AGBL3: variants seen among roughly 807,000 people sequenced by gnomAD.
AGBL3 encodes the protein cytosolic carboxypeptidase 3.
A neutral mutation model predicts 94.5 loss-of-function variants in AGBL3; 68 were observed. The observed-to-expected ratio is 0.72, with a 90% CI of 0.59 to 0.88. The LOEUF is 0.88. AGBL3 is among the 40% of genes least tolerant of loss of function. AGBL3 has a pLI of 0.00. For synonymous variants in AGBL3, 354 were observed against 370.7 expected (o/e 0.95, Z 0.52); for missense variants, 934 against 1,103.8 (o/e 0.85, Z 2.18).
intron 12 of AGBL3, among the ~76,000 whole-genome samples, chr7:135,071,563 G>C (rs1223486763): frequency 3.9e-5 from 6 of 152,086 alleles, no homozygotes; most frequent in South Asian, 2.1e-4. Flanking sequence ...CCAAAACAGA[G>C]ATATAGACCA....
At chr7:135,080,394 C>T (rs1186085627) in intron 14 of AGBL3, 134 bp downstream of exon 14, 3 of 662,814 alleles carry the variant, frequency 4.5e-6, no homozygotes, top group Non-Finnish European at 7.8e-6. Flanking sequence ...CATTTCTTCC[C>T]TGCAGGACCT....
At chr7:135,069,312 T>C (rs527345959) in intron 12 of AGBL3, among the ~76,000 whole-genome samples, 37 of 152,264 alleles carry the variant, frequency 2.4e-4, no homozygotes, top group African/African-American at 8.9e-4. Context: ...ATTAGACAGA[T>C]CAACAAGACA....
chr7:135,023,204 G>A (rs1188850575), intron 5 of AGBL3, among the ~76,000 whole-genome samples: 1 of 152,168 alleles, frequency 6.6e-6, no homozygotes, highest in African/African-American at 2.4e-5. Flanking sequence ...GAGGAGACAA[G>A]ATGGCTGACT....
chr7:135,058,239 T>G (rs1345375253), intron 11 of AGBL3, among the ~76,000 whole-genome samples: 1 of 152,150 alleles, frequency 6.6e-6, no homozygotes, highest in Non-Finnish European at 1.5e-5. Context: ...AATTTTTCTG[T>G]AAACCTAGAA....
intron 4 of AGBL3, among the ~76,000 whole-genome samples, chr7:135,002,744 T>G (rs990781797): frequency 6.6e-6 from 1 of 152,184 alleles, no homozygotes; most frequent in Admixed American, 6.5e-5. Context: ...TCCCATACTC[T>G]CATCAATACT....
chr7:135,055,369 A>T (rs998039224), intron 11 of AGBL3, among the ~76,000 whole-genome samples: 1 of 152,230 alleles, frequency 6.6e-6, no homozygotes, highest in Non-Finnish European at 1.5e-5. Context: ...AAAGCAGGAA[A>T]GCATCTAGTT....
chr7:135,068,684 T>C (rs994907861), intron 12 of AGBL3, among the ~76,000 whole-genome samples: 2 of 152,224 alleles, frequency 1.3e-5, no homozygotes, highest in Middle Eastern at 3.4e-3. Context: ...CAAGTAAATG[T>C]TGAGAGATTT....
At chr7:135,115,719 G>T (rs1330222200) in intron 16 of AGBL3, 108 bp downstream of exon 16, 2 of 894,478 alleles carry the variant, frequency 2.2e-6, no homozygotes, top group East Asian at 5.4e-5. Flanking sequence ...TCTTGAAAAT[G>T]ATGTCAGCTC....
chr7:135,015,555 T>A (rs1191495892), intron 4 of AGBL3, among the ~76,000 whole-genome samples: 3 of 151,472 alleles, frequency 2.0e-5, no homozygotes, highest in Non-Finnish European at 4.4e-5. Flanking sequence ...GGTACTCTAA[T>A]AAACTGCAAA....
intron 12 of AGBL3, among the ~76,000 whole-genome samples, chr7:135,068,838 A>T (rs144387927): frequency 0.054 from 8,260 of 152,302 alleles, 299 homozygotes; most frequent in Middle Eastern, 0.18. Flanking sequence ...CTAACGAGCA[A>T]AATAACCAGC....
At chr7:134,988,083 A>C in intron 2 of AGBL3, 87 bp downstream of exon 2, 3 of 1,010,668 alleles carry the variant, frequency 3.0e-6, no homozygotes, top group South Asian at 3.4e-5. Flanking sequence ...TCAATTGGAT[A>C]TAAAAATCAA....
chr7:135,094,233 T>C, intron 15 of AGBL3: 1 of 373,028 alleles, frequency 2.7e-6, no homozygotes, highest in Non-Finnish European at 5.3e-6. Flanking sequence ...TCAACATTCC[T>C]GTCCTTACAA....
chr7:135,017,141 G>T lies in AGBL3; in HGVS notation c.400G>T (p.Val134Phe), dbSNP rs201872398. The change falls in exon 5 of 17, where the codon GTT becomes TTT. Residue 134 changes from valine to phenylalanine, a missense_variant. Physicochemically the swap from Val to Phe is conservative, Grantham distance 50 (BLOSUM62 -1). This residue lies in a region of AGBL3 where 488 missense variants were observed against 563.6 expected (regional missense o/e 0.87). Transcript: ENST00000436302. ...LYPDSKEATV[V>F]YLAEDAYKEP... ...TCCAGACTCCAAGGAAGCTACTGTGGTTTATCTAGCTGAAGATGGTGAGCA... is the reference window on the plus strand; with the variant it reads ...TCCAGACTCCAAGGAAGCTACTGTGTTTTATCTAGCTGAAGATGGTGAGCA... 8.3e-5 allele frequency: 128 copies of T among 1,546,668 alleles called. No homozygotes were observed. Among genetic ancestry groups the T allele is most frequent in the Non-Finnish European group, 9.4e-5 (107 of 1,142,148 alleles).
chr7:135,015,735 C>T (rs898186550), intron 4 of AGBL3, among the ~76,000 whole-genome samples: 9 of 151,838 alleles, frequency 5.9e-5, no homozygotes, highest in Non-Finnish European at 1.0e-4. Context: ...CATACACAGG[C>T]CGGGCATGGT....
intron 15 of AGBL3, among the ~76,000 whole-genome samples, chr7:135,097,412 T>G (rs1318654193): frequency 2.0e-5 from 3 of 152,180 alleles, no homozygotes; most frequent in Non-Finnish European, 2.9e-5. Context: ...CTATGAATAT[T>G]TTAATGAAAC....
chr7:135,110,196 A>G (rs1379462169), intron 15 of AGBL3, among the ~76,000 whole-genome samples: 1 of 151,918 alleles, frequency 6.6e-6, no homozygotes, highest in Admixed American at 6.6e-5. Context: ...TCAGGGAGGT[A>G]CAACACTGCT....
chr7:135,108,595 A>G (rs990716041), intron 15 of AGBL3, among the ~76,000 whole-genome samples: 18 of 152,084 alleles, frequency 1.2e-4, no homozygotes, highest in African/African-American at 4.3e-4. Flanking sequence ...TTCCCTTTGT[A>G]GGTGACCTGC....
chr7:135,079,686 T>C (rs1469460000), intron 13 of AGBL3, among the ~76,000 whole-genome samples: 5 of 151,522 alleles, frequency 3.3e-5, no homozygotes, highest in Non-Finnish European at 5.9e-5. Flanking sequence ...CAGGCTTGTC[T>C]CGAACTCCTG....
chr7:135,124,863 A>G (rs967885190), intron 16 of AGBL3, among the ~76,000 whole-genome samples: 1 of 152,208 alleles, frequency 6.6e-6, no homozygotes, highest in African/African-American at 2.4e-5. Flanking sequence ...GAACAAAGAG[A>G]CAATGTACCA....
Sources: allele counts gnomAD v4.1 joint callset (sites outside exome capture counted in the v4.1 genomes callset), GRCh38; gene constraint gnomAD v4.1.1; regional missense constraint gnomAD v4.1.1; transcripts MANE v1.5; gene names NCBI Gene and HGNC (gene_info 2026-07-23, HGNC 2026-07-21).